Variants in TACC2 observed in about 807,000 individuals in gnomAD.
TACC2 encodes transforming acidic coiled-coil containing protein 2, also known as transforming acidic coiled-coil-containing protein 2.
A neutral mutation model predicts 227.3 loss-of-function variants in TACC2; 137 were observed. The observed-to-expected ratio is 0.60, with a 90% confidence interval of 0.52 to 0.69. The LOEUF (loss-of-function observed/expected upper bound fraction) is 0.69. Ranked by LOEUF, TACC2 falls within the 30% of genes least tolerant of loss-of-function variation. TACC2 has a pLI of 0.00. For missense variants in TACC2, 3,470 were observed against 3,694.4 expected, an observed-to-expected ratio of 0.94 and a Z score of 1.57; for synonymous variants, 1,523 against 1,487.5, an observed-to-expected ratio of 1.02 and a Z score of -0.55.
intron 5 of TACC2, among the ~76,000 whole-genome samples, chr10:122,118,962 T>C (rs542062674): frequency 6.6e-6 from 1 of 152,354 alleles, no homozygotes; most frequent in South Asian, 2.1e-4. Context: ...GATGCTATGC[T>C]TTACATGTTT....
chr10:121,998,992 G>A (rs964548299), intron 1 of TACC2, among the ~76,000 whole-genome samples: 6 of 151,874 alleles, frequency 4.0e-5, no homozygotes, highest in Non-Finnish European at 8.8e-5. Flanking sequence ...TGGGAAGCTG[G>A]AGTGGCCATT....
intron 3 of TACC2, among the ~76,000 whole-genome samples, chr10:122,076,664 TG>T (rs2078846337): frequency 6.6e-6 from 1 of 151,494 alleles, no homozygotes; most frequent in Admixed American, 6.6e-5. Context: ...AGTGTAGAGG[TG>T]TGTGATTGAG....
At chr10:122,199,460 G>C (rs2094704412) in intron 8 of TACC2, among the ~76,000 whole-genome samples, 1 of 152,230 alleles carries the variant, frequency 6.6e-6, no homozygotes, top group Non-Finnish European at 1.5e-5. Context: ...GGTGCTCCCT[G>C]TAGCCACGGG....
chr10:122,124,613 T>C (rs111861634), intron 5 of TACC2, among the ~76,000 whole-genome samples: 10 of 152,304 alleles, frequency 6.6e-5, no homozygotes, highest in African/African-American at 2.4e-4. Context: ...GTGGCTGGCA[T>C]ATCACGCTGT....
chr10:122,176,111 CTCTCTCTATATATA>C (rs750330541), intron 7 of TACC2, among the ~76,000 whole-genome samples: 106 of 62,368 alleles, frequency 1.7e-3, no homozygotes, highest in African/African-American at 7.3e-3. Flanking sequence ...CTCTCTCTCT[CTCTCTCTATATATA>C]TATATATATA....
chr10:122,099,284 T>A (rs969727013), intron 5 of TACC2, among the ~76,000 whole-genome samples: 1 of 152,196 alleles, frequency 6.6e-6, no homozygotes, highest in Non-Finnish European at 1.5e-5. Context: ...ACTGAGAATT[T>A]GGAGCAGAGT....
intron 6 of TACC2, among the ~76,000 whole-genome samples, chr10:122,135,483 A>G (rs956808616): frequency 6.6e-6 from 1 of 152,146 alleles, no homozygotes; most frequent in Non-Finnish European, 1.5e-5. Flanking sequence ...AACCTGGGGG[A>G]GTATTTGACT....
At chr10:122,064,709 C>T (rs1465770590) in intron 3 of TACC2, among the ~76,000 whole-genome samples, 5 of 152,326 alleles carry the variant, frequency 3.3e-5, no homozygotes, top group Middle Eastern at 3.4e-3. Flanking sequence ...ATTAGTTTCA[C>T]TGCCTTAAAA....
At chr10:122,019,525 G>A (rs985739916) in intron 1 of TACC2, among the ~76,000 whole-genome samples, 3 of 152,210 alleles carry the variant, frequency 2.0e-5, no homozygotes, top group Non-Finnish European at 2.9e-5. Context: ...TGCTAGGTGC[G>A]GCCAATCAGA....
chr10:122,122,351 G>A (rs1450008442), intron 5 of TACC2, among the ~76,000 whole-genome samples: 4 of 152,018 alleles, frequency 2.6e-5, no homozygotes, highest in South Asian at 2.1e-4. Flanking sequence ...ATGAAACTCC[G>A]TCTCAAAAAA....
Position 122,084,496 on chromosome 10 carries a change from G to T in TACC2, c.1996G>T (p.Glu666Ter), listed in dbSNP as rs770259437. 6.2e-7 allele frequency: 1 copy of T among 1,613,392 alleles called. No homozygotes were observed. Among genetic ancestry groups the T allele is most frequent in the Non-Finnish European group, 8.5e-7 (1 of 1,180,016 alleles). The change falls in exon 4 of 23, where the codon GAG becomes TAG. Residue 666 changes from glutamate (E) to a stop codon, truncating the protein, a stop_gained. Coordinates refer to ENST00000369005, the MANE Select transcript of TACC2 (RefSeq NM_206862.4). LOFTEE classifies it high-confidence loss of function. The part of the protein sequence containing the change: ...ASGLPHKLGE[E>*]DPVLPPVPDG... ...TGGCCTACCACACAAGCTGGGTGAGGAGGACCCCGTCCTGCCCCCTGTGCC... is the reference window on the plus strand; with the variant it reads ...TGGCCTACCACACAAGCTGGGTGAGTAGGACCCCGTCCTGCCCCCTGTGCC...
intron 8 of TACC2, among the ~76,000 whole-genome samples, chr10:122,195,884 C>T (rs1328788552): frequency 6.6e-6 from 1 of 152,158 alleles, no homozygotes; most frequent in African/African-American, 2.4e-5. Flanking sequence ...GCCAGGGGGC[C>T]CAGGTGGTAT....
intron 7 of TACC2, among the ~76,000 whole-genome samples, chr10:122,175,854 C>A (rs1209356196): frequency 6.6e-6 from 1 of 152,172 alleles, no homozygotes; most frequent in East Asian, 1.9e-4. Flanking sequence ...ATTGCTTGAG[C>A]TCAGGAGTTA....
chr10:122,009,333 T>G lies in TACC2; in HGVS notation c.-45-12604T>G, dbSNP rs1474491359. Among the ~76,000 whole-genome samples, 6 of 152,116 alleles carry G rather than the reference T, an allele frequency of 3.9e-5. 1 individual carries two copies. The highest frequency in any genetic ancestry group is 6.6e-5 in the Admixed American group (1 of 15,260). On this transcript the variant is annotated intron_variant, in intron 1 of 22. Coordinates refer to ENST00000369005, the MANE Select transcript of TACC2 (RefSeq NM_206862.4). ...ATTTTCAGTTACCACAAAAGCTAAC[T>G]TAAAAACAAACAAATATGAAATTAG...
chr10:122,001,408 T>C (rs1590895099), intron 1 of TACC2, among the ~76,000 whole-genome samples: 1 of 151,992 alleles, frequency 6.6e-6, no homozygotes, highest in Non-Finnish European at 1.5e-5. Context: ...TTGAGACTTA[T>C]TCGCTATCAC....
chr10:122,092,597 A>G (rs1383261829), intron 5 of TACC2, among the ~76,000 whole-genome samples: 1 of 152,208 alleles, frequency 6.6e-6, no homozygotes, highest in Non-Finnish European at 1.5e-5. Flanking sequence ...TGAAGGTAGC[A>G]TAAATTTGTT....
chr10:122,248,434 G>T (rs2096178061), intron 19 of TACC2: 1 of 601,514 alleles, frequency 1.7e-6, no homozygotes. Context: ...GGCTGCACAG[G>T]CCCGGGTCTG....
rs745782712 is a variant in TACC2, at chr10:122,141,831, G to C, written c.5700-1741G>C. Among the ~76,000 whole-genome samples the C allele has an allele frequency of 5.3e-5, 8 of 152,054 alleles. No individual in the cohort carries two copies. Among genetic ancestry groups the C allele is most frequent in the East Asian group, 1.9e-4 (1 of 5,188 alleles). ...TCTTGGTGGGATGTGTGTGGTGGAG[G>C]GGGGAGCACAGCAGTGTAATTTCTT... On this transcript the variant is annotated intron_variant, in intron 6 of 22. Coordinates refer to ENST00000369005, the MANE Select transcript of TACC2 (RefSeq NM_206862.4). This position sits in a 1 kb window ranked among gnomAD's most constrained non-coding sequence, Gnocchi z 4.3.
intron 5 of TACC2, among the ~76,000 whole-genome samples, chr10:122,118,857 A>G (rs1368234749): frequency 6.6e-6 from 1 of 152,208 alleles, no homozygotes; most frequent in Non-Finnish European, 1.5e-5. Context: ...ATTAAGTGTT[A>G]GCTAGACAGA....
Sources: allele counts gnomAD v4.1 joint callset (sites outside exome capture counted in the v4.1 genomes callset), GRCh38; gene constraint gnomAD v4.1.1; non-coding constraint Gnocchi (gnomAD v3.1); transcripts MANE v1.5; gene names NCBI Gene and HGNC (gene_info 2026-07-23, HGNC 2026-07-21).